Variants in YWHAZ observed in about 807,000 individuals in gnomAD.
YWHAZ encodes 14-3-3 protein zeta/delta.
For missense variants in YWHAZ, 79 were observed against 284.8 expected (o/e 0.28, Z 5.20); for synonymous variants, 87 against 103.6 (o/e 0.84, Z 0.97).
chr8:100,920,799 G>A lies in YWHAZ; in HGVS notation c.679-47C>T, dbSNP rs773902328. On this transcript the variant is annotated intron_variant, in intron 5 of 5. Coordinates refer to ENST00000395958, the MANE Select transcript of YWHAZ (RefSeq NM_145690.3). The stretch of plus-strand genomic sequence containing the variant: ...TTTCAGCAAGTTTCAGTGGGATGGG[G>A]GGGGGGGGGCGTTTTCATATAAGTG... The A allele has an allele frequency of 1.3e-5, 13 of 1,014,398 alleles. 3 individuals are homozygous for A. The highest frequency in any genetic ancestry group is 1.1e-4 in the South Asian group (8 of 74,072). The allele number at this position is 1,014,398 out of a possible 1,614,324, so 62.8% of individuals were successfully genotyped here.
In YWHAZ at chr8:100,924,432, G is replaced by T; in HGVS notation, c.419-134C>A. 1 of 912,400 alleles carries T rather than the reference G, an allele frequency of 1.1e-6. No homozygotes were observed. Among genetic ancestry groups the T allele is most frequent in the Non-Finnish European group, 1.6e-6 (1 of 636,816 alleles). The allele number at this position is 912,400 out of a possible 1,614,324, so 56.5% of individuals were successfully genotyped here. On this transcript the variant is annotated intron_variant, in intron 3 of 5. Transcript: ENST00000395958. This position sits in a 1 kb window ranked among gnomAD's most constrained non-coding sequence, Gnocchi z 5.7. Reference sequence around the variant, plus strand: ...AGCTTAATATTTGTTAATTGAACAAGGTCCTTTTTTTTTTTTAAAGGGAGC... The same window carrying T: ...AGCTTAATATTTGTTAATTGAACAATGTCCTTTTTTTTTTTTAAAGGGAGC...
Position 100,919,204 on chromosome 8 carries a change from T to C in YWHAZ, c.*1489A>G, listed in dbSNP as rs950197339. The stretch of plus-strand genomic sequence containing the variant: ...AATGGTTGGTGACAAGACAGAAGGC[T>C]AAAACAGGAAGGTAATCTTGTGCAC... On this transcript the variant is annotated 3_prime_UTR_variant, in exon 6 of 6. Coordinates refer to ENST00000395958, the MANE Select transcript of YWHAZ (RefSeq NM_145690.3). 6.6e-6 allele frequency: 1 copy of C among 152,438 alleles called. No homozygotes were observed. The highest frequency in any genetic ancestry group is 6.6e-5 in the Admixed American group (1 of 15,260). 9.4% of individuals were successfully genotyped at this position (152,438 alleles called of 1,614,324 possible).
chr8:100,941,510 T>C (rs1257782852), intron 2 of YWHAZ, among the ~76,000 whole-genome samples: 2 of 152,060 alleles, frequency 1.3e-5, no homozygotes, highest in Non-Finnish European at 2.9e-5. Context: ...CTAGGCCGGG[T>C]ATGGTGGCTC....
chr8:100,931,474 C>G (rs550980496), intron 2 of YWHAZ, among the ~76,000 whole-genome samples: 1 of 152,262 alleles, frequency 6.6e-6, no homozygotes, highest in South Asian at 2.1e-4. Context: ...GAGCTGGTGG[C>G]AAGACTTTAA....
intron 2 of YWHAZ, chr8:100,934,810 C>CT (rs1202878290): frequency 6.6e-6 from 1 of 152,140 alleles, no homozygotes; most frequent in East Asian, 1.9e-4. Context: ...GAATTGTTTA[C>CT]TTTGCACATA....
upstream of YWHAZ, chr8:100,953,317 G>T: frequency 1.0e-6 from 1 of 985,590 alleles, no homozygotes; most frequent in Non-Finnish European, 1.2e-6. Flanking sequence ...AGTCCCCAGG[G>T]TTCCAGCTGG....
intron 1 of YWHAZ, among the ~76,000 whole-genome samples, chr8:100,949,966 T>C (rs1218012779): frequency 6.6e-6 from 1 of 152,198 alleles, no homozygotes; most frequent in Non-Finnish European, 1.5e-5. Flanking sequence ...ACACCCTGAA[T>C]GAAGTGCACT....
At chr8:100,920,927 T>C (rs1461131458) in intron 5 of YWHAZ, among the ~76,000 whole-genome samples, 175 bp from the exon 6 acceptor site, 4 of 152,202 alleles carry the variant, frequency 2.6e-5, no homozygotes, top group African/African-American at 4.8e-5. Context: ...TTTACTTTTT[T>C]TGTAACCACT....
intron 2 of YWHAZ, among the ~76,000 whole-genome samples, chr8:100,932,674 A>ACAGCT (rs1813839408): frequency 6.6e-6 from 1 of 152,196 alleles, no homozygotes; most frequent in East Asian, 1.9e-4. Flanking sequence ...CTGAATACCC[A>ACAGCT]CAGCTTATCT....
chr8:100,938,220 G>A (rs1402566621), intron 2 of YWHAZ, among the ~76,000 whole-genome samples: 1 of 152,054 alleles, frequency 6.6e-6, no homozygotes, highest in African/African-American at 2.4e-5. Context: ...TACAAACCCA[G>A]TATCTTGATA....
chr8:100,923,918 AC>A, intron 5 of YWHAZ, 36 bp downstream of exon 5: 1 of 1,543,218 alleles, frequency 6.5e-7, no homozygotes, highest in Non-Finnish European at 8.7e-7. Flanking sequence ...AACCTCTTCA[AC>A]CACATTCATC....
upstream of YWHAZ, chr8:100,952,966 C>G (rs1175964052): frequency 7.0e-6 from 7 of 1,000,558 alleles, no homozygotes; most frequent in Non-Finnish European, 8.4e-6. Flanking sequence ...AGCGCGGGAT[C>G]TGCGCTCGGT....
chr8:100,927,850 C>T (rs1010521767), intron 2 of YWHAZ, among the ~76,000 whole-genome samples: 3 of 152,170 alleles, frequency 2.0e-5, no homozygotes, highest in Non-Finnish European at 2.9e-5. Context: ...CATAAAACAA[C>T]TTTAAAGCTA....
chr8:100,918,804 TGAG>T lies in YWHAZ; in HGVS notation c.*1886_*1888del, dbSNP rs1304363582. ...ATACAGAAAACATTGTCCCTGCTCT[TGAG>T]GAGCTTACATTCTAAAAGAAAAAAT... On this transcript the variant is annotated 3_prime_UTR_variant, in exon 6 of 6. Transcript: ENST00000395958. The T allele has an allele frequency of 8.5e-5, 13 of 152,734 alleles. No homozygotes were observed. In the East Asian group the frequency reaches 2.3e-3, roughly 27 times the overall value. The allele number at this position is 152,734 out of a possible 1,614,324, so 9.5% of individuals were successfully genotyped here. A position where few individuals can be genotyped will look rare whatever the true frequency, so the allele number is the denominator to read the frequency against.
intron 2 of YWHAZ, among the ~76,000 whole-genome samples, chr8:100,935,346 T>C (rs866728768): frequency 6.6e-6 from 1 of 152,240 alleles, no homozygotes; most frequent in Non-Finnish European, 1.5e-5. Context: ...TTGGAGGATA[T>C]TTTAATAGCT....
At position 100,917,888 on chromosome 8, in the gene YWHAZ, C is replaced by A. The variant is rs988981615; in HGVS notation, c.*2805G>T. ...ATTCAAATTCCAAAACAAAGAATCT[C>A]AGGTTGGAAATTTTCCTTAATCTAT... On this transcript the variant is annotated 3_prime_UTR_variant, in exon 6 of 6. Transcript: ENST00000395958. 6.6e-6 allele frequency: 1 copy of A among 152,162 alleles called. No homozygotes were observed. Among genetic ancestry groups the A allele is most frequent in the Non-Finnish European group, 1.5e-5 (1 of 68,044 alleles). 9.4% of individuals were successfully genotyped at this position (152,162 alleles called of 1,614,324 possible).
chr8:100,944,441 T>C (rs1810115818), intron 2 of YWHAZ, among the ~76,000 whole-genome samples: 2 of 152,150 alleles, frequency 1.3e-5, no homozygotes, highest in Admixed American at 6.5e-5. Context: ...AGAATCACTA[T>C]TAAGATTACT....
At chr8:100,952,681 A>G, upstream of YWHAZ, 1 of 627,920 alleles carries the variant, frequency 1.6e-6, no homozygotes, top group Non-Finnish European at 2.0e-6. Context: ...CATTGTGATC[A>G]GGACTTGCGG....
intron 2 of YWHAZ, among the ~76,000 whole-genome samples, chr8:100,931,608 C>T (rs1813766089): frequency 6.6e-6 from 1 of 152,120 alleles, no homozygotes; most frequent in African/African-American, 2.4e-5. Context: ...TACACAATAG[C>T]TAATCTTTAT....
Sources: allele counts gnomAD v4.1 joint callset (sites outside exome capture counted in the v4.1 genomes callset), GRCh38; gene constraint gnomAD v4.1.1; non-coding constraint Gnocchi (gnomAD v3.1); transcripts MANE v1.5; gene names NCBI Gene and HGNC (gene_info 2026-07-23, HGNC 2026-07-21).